Variants in CDH8 observed in about 807,000 individuals in gnomAD.
CDH8 encodes cadherin-8.
CDH8 carries 17 observed loss-of-function variants against 68.1 expected under a neutral mutation model. The ratio of observed to expected loss-of-function variants is 0.25; its 90% CI spans 0.17 to 0.37. The LOEUF is 0.37. CDH8 is among the 10% of genes least tolerant of loss of function. The pLI is 1.00. For synonymous variants in CDH8, 372 were observed against 365.1 expected (o/e 1.02, Z -0.21); for missense variants, 763 against 999.3 (o/e 0.76, Z 3.19).
intron 2 of CDH8, among the ~76,000 whole-genome samples, chr16:61,952,131 A>G (rs2143591479): frequency 6.6e-6 from 1 of 152,318 alleles, no homozygotes; most frequent in African/African-American, 2.4e-5. Context: ...AGATTTGTGA[A>G]AATTATAATT....
At chr16:61,755,864 A>G (rs1960302497) in intron 8 of CDH8, among the ~76,000 whole-genome samples, 1 of 151,058 alleles carries the variant, frequency 6.6e-6, no homozygotes, top group African/African-American at 2.4e-5. Context: ...TCTGTCGCCC[A>G]GGCTGGAGTG....
chr16:61,853,892 T>A (rs1400518550), intron 4 of CDH8, among the ~76,000 whole-genome samples: 1 of 152,030 alleles, frequency 6.6e-6, no homozygotes, highest in Non-Finnish European at 1.5e-5. Context: ...CATATTATAG[T>A]TTTTAATATC....
At chr16:61,919,219 A>G (rs1964314974) in intron 2 of CDH8, among the ~76,000 whole-genome samples, 2 of 147,104 alleles carry the variant, frequency 1.4e-5, no homozygotes, top group Non-Finnish European at 3.0e-5. Flanking sequence ...TGGGGAAAAA[A>G]CAGAACAGAA....
At chr16:61,963,412 T>C (rs770636392) in intron 2 of CDH8, among the ~76,000 whole-genome samples, 6 of 152,228 alleles carry the variant, frequency 3.9e-5, no homozygotes, top group Non-Finnish European at 7.3e-5. Flanking sequence ...CAACTTTATA[T>C]CACCATTGTA....
chr16:61,946,429 A>G (rs1964802444), intron 2 of CDH8, among the ~76,000 whole-genome samples: 2 of 152,238 alleles, frequency 1.3e-5, no homozygotes, highest in African/African-American at 2.4e-5. Context: ...TAAAGAAAGC[A>G]TTAGTTTTTA....
chr16:61,771,066 C>T (rs1960764741), intron 8 of CDH8, among the ~76,000 whole-genome samples: 1 of 151,852 alleles, frequency 6.6e-6, no homozygotes, highest in South Asian at 2.1e-4. Context: ...TGAAGATCTC[C>T]TATTTAAATA....
chr16:61,984,473 A>G, intron 2 of CDH8, among the ~76,000 whole-genome samples: 1 of 149,416 alleles, frequency 6.7e-6, no homozygotes. Context: ...TTTTTTTAAT[A>G]GAGACAAGGT....
intron 4 of CDH8, among the ~76,000 whole-genome samples, chr16:61,836,908 T>G (rs1962580498): frequency 6.6e-6 from 1 of 152,000 alleles, no homozygotes; most frequent in African/African-American, 2.4e-5. Context: ...ACAACTTGAT[T>G]CTTTCACAGT....
chr16:61,781,875 T>C (rs1961066074), intron 8 of CDH8, among the ~76,000 whole-genome samples: 2 of 152,210 alleles, frequency 1.3e-5, no homozygotes, highest in African/African-American at 4.8e-5. Flanking sequence ...CTTTATTTGC[T>C]TCTTCTCTTC....
At chr16:61,744,199 C>T (rs1294170571) in intron 8 of CDH8, among the ~76,000 whole-genome samples, 5 of 152,028 alleles carry the variant, frequency 3.3e-5, no homozygotes, top group Admixed American at 6.6e-5. Context: ...TTCGGTTTTT[C>T]GGTCTACTTG....
intron 8 of CDH8, among the ~76,000 whole-genome samples, chr16:61,781,530 A>G (rs1961055424): frequency 2.0e-5 from 3 of 152,206 alleles, no homozygotes; most frequent in Non-Finnish European, 4.4e-5. Flanking sequence ...CTAAAGCAGG[A>G]GGATCACTTG....
intron 2 of CDH8, among the ~76,000 whole-genome samples, chr16:62,009,610 T>C (rs1901758023): frequency 6.6e-6 from 1 of 152,218 alleles, no homozygotes; most frequent in Non-Finnish European, 1.5e-5. Context: ...ATTCTCACTT[T>C]AAGAAGAACC....
chr16:61,987,342 A>G, intron 2 of CDH8, among the ~76,000 whole-genome samples: 1 of 152,006 alleles, frequency 6.6e-6, no homozygotes, highest in Non-Finnish European at 1.5e-5. Flanking sequence ...CATCTGTACC[A>G]AAAATACAAA....
chr16:61,914,424 G>C (rs896011615), intron 2 of CDH8, among the ~76,000 whole-genome samples: 1 of 152,104 alleles, frequency 6.6e-6, no homozygotes, highest in Non-Finnish European at 1.5e-5. Context: ...CTAATTCCCA[G>C]ACTTGTAAAT....
At chr16:61,825,581 T>G (rs1040939591) in intron 4 of CDH8, among the ~76,000 whole-genome samples, 2 of 151,772 alleles carry the variant, frequency 1.3e-5, no homozygotes, top group African/African-American at 4.8e-5. Context: ...AATACACACA[T>G]AGCTTGAAGG....
intron 8 of CDH8, among the ~76,000 whole-genome samples, chr16:61,737,862 G>A (rs74879722): frequency 0.025 from 3,847 of 152,208 alleles, 281 homozygotes; most frequent in East Asian, 0.23. Context: ...GTTGTACACA[G>A]AAGGAGGAGT....
At chr16:61,853,493 C>G (rs1455286037) in intron 4 of CDH8, among the ~76,000 whole-genome samples, 1 of 152,026 alleles carries the variant, frequency 6.6e-6, no homozygotes, top group Non-Finnish European at 1.5e-5. Context: ...GTCACAATAT[C>G]GATCATTTTA....
intron 2 of CDH8, among the ~76,000 whole-genome samples, chr16:61,922,742 T>A (rs1964391328): frequency 1.3e-5 from 2 of 152,176 alleles, no homozygotes; most frequent in South Asian, 4.1e-4. Flanking sequence ...CCAGAAGCTG[T>A]CAAATGTAGA....
chr16:61,873,451 T>A (rs1412986138), intron 3 of CDH8, among the ~76,000 whole-genome samples: 1 of 152,158 alleles, frequency 6.6e-6, no homozygotes, highest in Non-Finnish European at 1.5e-5. Flanking sequence ...GAACATGGAA[T>A]AATACACATC....
Sources: allele counts gnomAD v4.1 joint callset (sites outside exome capture counted in the v4.1 genomes callset), GRCh38; gene constraint gnomAD v4.1.1; transcripts MANE v1.5; gene names NCBI Gene and HGNC (gene_info 2026-07-23, HGNC 2026-07-21).